Variants in POLR2B observed in about 807,000 individuals in gnomAD.
The protein encoded by POLR2B is RNA polymerase II subunit B, also known as DNA-directed RNA polymerase II subunit RPB2.
In POLR2B, 57 loss-of-function variants were observed where a neutral mutation model predicts 144.6. That is an observed-to-expected ratio of 0.39 (90% CI 0.32 to 0.49). The LOEUF (loss-of-function observed/expected upper bound fraction) is 0.49. Ranked by LOEUF, POLR2B falls within the 20% of genes least tolerant of loss-of-function variation. POLR2B has a pLI of 0.83. For synonymous variants in POLR2B, 442 were observed against 469.8 expected (o/e 0.94, Z 0.77); for missense variants, 595 against 1,467.4 (o/e 0.41, Z 9.71).
In POLR2B at chr4:57,029,300, C is replaced by T. The variant is rs1723831756; in HGVS notation, c.3240-904C>T. On this transcript the variant is annotated intron_variant, in intron 23 of 24. Coordinates refer to ENST00000314595, the MANE Select transcript of POLR2B (RefSeq NM_000938.3). Reference sequence around the variant, plus strand: ...AGTCCTTCTTCAGTTTTTAGCCAGACTACTTCTAAAACTTTGTTTCCTCAA... The same window carrying T: ...AGTCCTTCTTCAGTTTTTAGCCAGATTACTTCTAAAACTTTGTTTCCTCAA... Among the ~76,000 whole-genome samples the T allele has an allele frequency of 1.3e-5, 2 of 152,146 alleles. 1 individual carries two copies. Among genetic ancestry groups the T allele is most frequent in the South Asian group, 4.1e-4 (2 of 4,828 alleles).
intron 2 of POLR2B, among the ~76,000 whole-genome samples, chr4:56,987,425 CCT>C (rs1355023843): frequency 6.6e-6 from 1 of 151,596 alleles, no homozygotes; most frequent in East Asian, 1.9e-4. Flanking sequence ...TCTCTCATCC[CCT>C]GACACCTGTT....
At chr4:57,028,199 C>A (rs1723786529) in intron 23 of POLR2B, among the ~76,000 whole-genome samples, 1 of 152,138 alleles carries the variant, frequency 6.6e-6, no homozygotes, top group African/African-American at 2.4e-5. Flanking sequence ...AAAGATACTC[C>A]ATGTTAAAAG....
At chr4:57,015,314 A>T (rs1471284966) in intron 13 of POLR2B, among the ~76,000 whole-genome samples, 188 bp from the exon 14 acceptor site, 1 of 152,244 alleles carries the variant, frequency 6.6e-6, no homozygotes, top group Non-Finnish European at 1.5e-5. Flanking sequence ...TAGATTTTTC[A>T]TTCATAAAAT....
At chr4:56,986,169 A>G in intron 1 of POLR2B, 185 bp from the exon 2 acceptor site, 1 of 621,142 alleles carries the variant, frequency 1.6e-6, no homozygotes, top group South Asian at 1.7e-5. Context: ...TTATATTGGA[A>G]GAATACCTGT....
At chr4:57,000,604 G>T (rs552015617) in intron 7 of POLR2B, among the ~76,000 whole-genome samples, 1 of 152,158 alleles carries the variant, frequency 6.6e-6, no homozygotes, top group East Asian at 1.9e-4. Context: ...TACTCCTAAA[G>T]ACTTCAGTGT....
At chr4:56,989,995 G>A (rs1184674285) in intron 2 of POLR2B, among the ~76,000 whole-genome samples, 2 of 151,934 alleles carry the variant, frequency 1.3e-5, no homozygotes, top group Non-Finnish European at 2.9e-5. Context: ...GTATTTTTAT[G>A]TAAAGACTTA....
At chr4:56,987,765 C>A (rs1196152135) in intron 2 of POLR2B, among the ~76,000 whole-genome samples, 1 of 151,920 alleles carries the variant, frequency 6.6e-6, no homozygotes, top group Non-Finnish European at 1.5e-5. Flanking sequence ...ACCTGTAATC[C>A]CAGCTACTTG....
intron 17 of POLR2B, among the ~76,000 whole-genome samples, chr4:57,021,693 G>T (rs1434106612): frequency 6.6e-6 from 1 of 151,848 alleles, no homozygotes; most frequent in Non-Finnish European, 1.5e-5. Flanking sequence ...TAGAGACGGG[G>T]TTTCACCATG....
At chr4:57,030,727 C>CAA in intron 24 of POLR2B, 172 bp from the exon 25 acceptor site, 1 of 574,008 alleles carries the variant, frequency 1.7e-6, no homozygotes, top group Non-Finnish European at 3.1e-6. Context: ...GGTAAAATAC[C>CAA]AAAGCCTACT....
intron 10 of POLR2B, chr4:57,009,848 ATTATC>A (rs1259964136): frequency 6.6e-6 from 1 of 152,216 alleles, no homozygotes; most frequent in Non-Finnish European, 1.5e-5. Context: ...TGCCCTAAAT[ATTATC>A]TTATTTATAA....
chr4:56,994,871 A>G lies in POLR2B; in HGVS notation c.576+5A>G, dbSNP rs773469780. 3.4e-6 allele frequency: 5 copies of G among 1,452,352 alleles called. No homozygotes were observed. The highest frequency in any genetic ancestry group is 2.5e-5 in the South Asian group (2 of 79,516). The allele number at this position is 1,452,352 out of a possible 1,614,324, so 90.0% of individuals were successfully genotyped here. On this transcript the variant is annotated splice_donor_5th_base_variant and intron_variant, in intron 5 of 24. Coordinates refer to ENST00000314595, the MANE Select transcript of POLR2B (RefSeq NM_000938.3). Reference sequence around the variant, plus strand: ...ATTATTAATGGATCAGAAAAGGTATAGTAACATTATTTTAAAAAATTACAA... The same window carrying G: ...ATTATTAATGGATCAGAAAAGGTATGGTAACATTATTTTAAAAAATTACAA...
rs530160889 is a variant in POLR2B, at chr4:57,023,987, T to A, written c.2857-18T>A. The A allele has an allele frequency of 7.0e-7, 1 of 1,433,638 alleles. No individual in the cohort carries two copies. The highest frequency in any genetic ancestry group is 1.3e-5 in the South Asian group (1 of 79,392). The allele number at this position is 1,433,638 out of a possible 1,614,324, so 88.8% of individuals were successfully genotyped here. ...AGTATATGTATCTTTGAGTCCCTTTTAAAATTTTTCTTTGTAGGATATGCC... is the reference window on the plus strand; with the variant it reads ...AGTATATGTATCTTTGAGTCCCTTTAAAAATTTTTCTTTGTAGGATATGCC... On this transcript the variant is annotated intron_variant, in intron 20 of 24. Coordinates refer to ENST00000314595, the MANE Select transcript of POLR2B (RefSeq NM_000938.3). The surrounding 1 kb of genome is among the most constrained non-coding windows in gnomAD (Gnocchi z 4.3).
At chr4:57,016,993 G>A (rs1483163380) in intron 14 of POLR2B, 50 bp from the exon 15 acceptor site, 1 of 1,012,148 alleles carries the variant, frequency 9.9e-7, no homozygotes. Context: ...AGGAGGAATA[G>A]TTAGTTAAAA....
In POLR2B at chr4:56,994,534, C is replaced by T. The variant is rs774340642; in HGVS notation, c.356+18C>T. Reference sequence around the variant, plus strand: ...AATCTCACGTAAGAAAGAATTTTTCCTTGTCAGCAGTAGATACTGAAATAG... The same window carrying T: ...AATCTCACGTAAGAAAGAATTTTTCTTTGTCAGCAGTAGATACTGAAATAG... On this transcript the variant is annotated intron_variant, in intron 4 of 24. Transcript: ENST00000314595. 1 of 1,514,766 alleles carries T rather than the reference C, an allele frequency of 6.6e-7. No individual in the cohort carries two copies. The highest frequency in any genetic ancestry group is 9.2e-7 in the Non-Finnish European group (1 of 1,090,652). The allele number at this position is 1,514,766 out of a possible 1,614,324, so 93.8% of individuals were successfully genotyped here. A position where few individuals can be genotyped will look rare whatever the true frequency, so the allele number is the denominator to read the frequency against.
chr4:57,010,286 A>C (rs1173941239), intron 10 of POLR2B, 75 bp from the exon 11 acceptor site: 2 of 1,278,872 alleles, frequency 1.6e-6, no homozygotes, highest in East Asian at 4.7e-5. Flanking sequence ...ATATGTAAAA[A>C]TATGACTTTG....
intron 2 of POLR2B, among the ~76,000 whole-genome samples, chr4:56,987,013 G>T (rs896963393): frequency 6.6e-6 from 1 of 152,138 alleles, no homozygotes; most frequent in African/African-American, 2.4e-5. Flanking sequence ...ATCTGGAACA[G>T]TTCCTCAGTG....
intron 3 of POLR2B, among the ~76,000 whole-genome samples, chr4:56,992,938 T>C (rs1249031600): frequency 6.6e-6 from 1 of 152,158 alleles, no homozygotes; most frequent in East Asian, 1.9e-4. Context: ...ACTGAGAGAC[T>C]GTCAAAGAAT....
chr4:57,027,307 C>T (rs1437479042), intron 23 of POLR2B, among the ~76,000 whole-genome samples: 1 of 152,030 alleles, frequency 6.6e-6, no homozygotes, highest in African/African-American at 2.4e-5. Flanking sequence ...CCACGCCCAG[C>T]CCACCCCTTC....
At chr4:57,001,371 C>A (rs994195669) in intron 7 of POLR2B, among the ~76,000 whole-genome samples, 2 of 152,194 alleles carry the variant, frequency 1.3e-5, no homozygotes, top group African/African-American at 4.8e-5. Context: ...GTTGGCCAAA[C>A]TGGTCACAAA....
Sources: allele counts gnomAD v4.1 joint callset (sites outside exome capture counted in the v4.1 genomes callset), GRCh38; gene constraint gnomAD v4.1.1; non-coding constraint Gnocchi (gnomAD v3.1); transcripts MANE v1.5; gene names NCBI Gene and HGNC (gene_info 2026-07-23, HGNC 2026-07-21).